Variants in SP110 observed in about 807,000 individuals in gnomAD.
SP110 encodes the protein SP110 nuclear body protein.
SP110 carries 62 observed loss-of-function variants against 92.7 expected under a neutral mutation model. That is an observed-to-expected ratio of 0.67 (90% confidence interval 0.55 to 0.83). The LOEUF (loss-of-function observed/expected upper bound fraction) is 0.83, where lower values mean the gene tolerates loss of function less well. SP110 is among the 40% of genes least tolerant of loss of function. The pLI is 0.00. For synonymous variants in SP110, 273 were observed against 305.3 expected, an observed-to-expected ratio of 0.89 and a Z score of 1.10; for missense variants, 793 against 863.9, an observed-to-expected ratio of 0.92 and a Z score of 1.03.
In SP110 at chr2:230,211,429, G is replaced by C; in HGVS notation, c.751+41C>G. ...ATGGCTTTTCCTCTTAGTAAACACA[G>C]AAACAAAGGCAAGCTTTTAGGTTGA... On this transcript the variant is annotated intron_variant, in intron 6 of 18. Coordinates refer to ENST00000258381, the MANE Select transcript of SP110 (RefSeq NM_080424.4). This position sits in a 1 kb window ranked among gnomAD's most constrained non-coding sequence, Gnocchi z 4.2. 7.8e-7 allele frequency: 1 copy of C among 1,282,646 alleles called. No individual in the cohort carries two copies. The highest frequency in any genetic ancestry group is 1.2e-5 in the South Asian group (1 of 84,610). The allele number at this position is 1,282,646 out of a possible 1,614,324, so 79.5% of individuals were successfully genotyped here.
chr2:230,198,106 A>G (rs2042962428), intron 10 of SP110, among the ~76,000 whole-genome samples: 1 of 136,426 alleles, frequency 7.3e-6, no homozygotes, highest in South Asian at 2.6e-4. Context: ...GTAGGACAAT[A>G]GGACCCTCTG....
In SP110 at chr2:230,165,767, A is replaced by G. The variant is rs777418491; in HGVS notation, c.*3357T>C. On this transcript the variant is annotated 3_prime_UTR_variant, in exon 19 of 19. Transcript: ENST00000258381. ...GCATTGGGAAAACTTATGGGTAAATATTGGAACTAAAAGCCGTTACGATGC... is the reference window on the plus strand; with the variant it reads ...GCATTGGGAAAACTTATGGGTAAATGTTGGAACTAAAAGCCGTTACGATGC... Among the ~76,000 whole-genome samples the G allele has an allele frequency of 1.8e-4, 27 of 152,210 alleles. No individual in the cohort carries two copies. The highest frequency in any genetic ancestry group is 3.5e-4 in the Non-Finnish European group (24 of 68,038).
At position 230,197,928 on chromosome 2, in the gene SP110, A is replaced by G. The variant is rs534611403; in HGVS notation, c.1129+2957T>C. On this transcript the variant is annotated intron_variant, in intron 10 of 18. Coordinates refer to ENST00000258381, the MANE Select transcript of SP110 (RefSeq NM_080424.4). The stretch of plus-strand genomic sequence containing the variant: ...TGGCCTCCCAAAGTGCTGGGATTAC[A>G]GGTGTGAGCTACCATGCCTAGCCTG... 3.3e-5 allele frequency among the ~76,000 whole-genome samples: 5 copies of G among 152,364 alleles called. No individual in the cohort carries two copies. The South Asian group carries it at 1.0e-3, about 32-fold the overall frequency.
intron 2 of SP110, 64 bp downstream of exon 2, chr2:230,216,717 G>C: frequency 6.3e-7 from 1 of 1,596,454 alleles, no homozygotes; most frequent in Non-Finnish European, 8.6e-7. Context: ...TGTGGTTTGA[G>C]ACTTTAATAA....
intron 1 of SP110, among the ~76,000 whole-genome samples, chr2:230,219,043 G>T (rs760165396): frequency 5.3e-5 from 8 of 152,148 alleles, no homozygotes; most frequent in Non-Finnish European, 1.2e-4. Context: ...TGGCCAACAT[G>T]GTGAAACCCT....
intron 10 of SP110, among the ~76,000 whole-genome samples, chr2:230,195,959 G>A (rs1366328714): frequency 6.6e-6 from 1 of 152,072 alleles, no homozygotes; most frequent in East Asian, 1.9e-4. Context: ...AATGCTCAAG[G>A]AGGAAATGAA....
rs113149033 is a variant in SP110, at chr2:230,166,051, G to A, written c.*3073C>T. On this transcript the variant is annotated 3_prime_UTR_variant, in exon 19 of 19. Transcript: ENST00000258381. ...TGGGACTACAGGCGCCCGCCACCAC[G>A]CCTGGCTAATTTTTGTATTTTTAGT... Among the ~76,000 whole-genome samples the A allele has an allele frequency of 5.3e-5, 8 of 151,944 alleles. No individual in the cohort carries two copies. The highest frequency in any genetic ancestry group is 3.9e-4 in the East Asian group (2 of 5,162).
Position 230,183,572 on chromosome 2 carries a change from C to T in SP110, c.1348G>A (p.Gly450Arg). Residue 450 changes from glycine (G) to arginine (R), a missense_variant and splice_region_variant, in exon 12 of 19, where the codon GGA becomes AGA. Coordinates refer to ENST00000258381, the MANE Select transcript of SP110 (RefSeq NM_080424.4). The part of the protein sequence containing the change: ...RRFQKNIHRR[G>R]KPKSDTVDFH... ...GAGGCGCTGTGGCTTGCTTGCTTAC[C>T]TCTTCGGTGAATATTTTTCTGAAAT... 1 of 1,608,584 alleles carries T rather than the reference C, an allele frequency of 6.2e-7. No homozygotes were observed. Among genetic ancestry groups the T allele is most frequent in the Non-Finnish European group, 8.5e-7 (1 of 1,175,032 alleles).
intron 2 of SP110, 128 bp from the exon 3 acceptor site, chr2:230,215,246 T>G: frequency 1.3e-6 from 1 of 762,664 alleles, no homozygotes; most frequent in Non-Finnish European, 2.2e-6. Flanking sequence ...ATAAAATATA[T>G]AGTCACATTC....
chr2:230,171,815 G>A (rs1256482577), intron 16 of SP110, 48 bp from the exon 17 acceptor site: 1 of 1,416,276 alleles, frequency 7.1e-7, no homozygotes, highest in Non-Finnish European at 1.0e-6. Context: ...CTTAGAAACA[G>A]TGAAGCCAGG....
Position 230,196,079 on chromosome 2 carries a change from T to C in SP110, c.1129+4806A>G, listed in dbSNP as rs529361608. 4.3e-4 allele frequency among the ~76,000 whole-genome samples: 66 copies of C among 152,290 alleles called. No individual in the cohort carries two copies. In the South Asian group the frequency reaches 0.013, roughly 29 times the overall value. On this transcript the variant is annotated intron_variant, in intron 10 of 18. Coordinates refer to ENST00000258381, the MANE Select transcript of SP110 (RefSeq NM_080424.4). ...TTAAAAAGTTTTATTACATCCAGCA[T>C]TGAGGATGTAGGAAATGAATACTCA...
intron 3 of SP110, 106 bp downstream of exon 3, chr2:230,214,844 G>T: frequency 1.1e-6 from 1 of 932,898 alleles, no homozygotes; most frequent in Non-Finnish European, 1.7e-6. Context: ...CCACCCCAGA[G>T]AGAAGGCGGG....
rs889528746 is a variant in SP110 at position 230,209,860 on chromosome 2, TAC to T, written c.829+69_829+70del. On this transcript the variant is annotated intron_variant, in intron 7 of 18. Coordinates refer to ENST00000258381, the MANE Select transcript of SP110 (RefSeq NM_080424.4). ...TCACATAGTGGTGCTCTTGACAAGA[TAC>T]AGTCAGAAAAACAGAAAGCAACTCT... is the stretch of plus-strand genomic sequence containing the variant. 46 of 893,584 alleles carry T rather than the reference TAC, an allele frequency of 5.1e-5. 1 individual carries two copies. In the African/African-American group the frequency reaches 6.9e-4, roughly 13 times the overall value. 55.4% of individuals were successfully genotyped at this position (893,584 alleles called of 1,614,324 possible). A position where few individuals can be genotyped will look rare whatever the true frequency, so the allele number is the denominator to read the frequency against.
chr2:230,176,623 A>G (rs780372451), intron 14 of SP110: 3 of 1,613,934 alleles, frequency 1.9e-6, no homozygotes, highest in Admixed American at 1.7e-5. Context: ...GCCTCCAGAC[A>G]GGGAAAGTCT....
chr2:230,173,169 CAG>C (rs1166454427), intron 14 of SP110: 1 of 535,366 alleles, frequency 1.9e-6, no homozygotes, highest in Non-Finnish European at 3.5e-6. Flanking sequence ...CCGCCGCCAC[CAG>C]GACTTTTCTT....
chr2:230,214,099 C>A (rs941043170), intron 3 of SP110: 1 of 152,100 alleles, frequency 6.6e-6, no homozygotes, highest in African/African-American at 2.4e-5. Flanking sequence ...GATTTGGCCA[C>A]AGTGTTTTAC....
At chr2:230,172,600 C>T (rs932172041) in intron 15 of SP110, 20 of 557,906 alleles carry the variant, frequency 3.6e-5, no homozygotes, top group Non-Finnish European at 6.1e-5. Context: ...TTTCCCGTCC[C>T]CTCCTCCTTT....
At chr2:230,204,302 T>C (rs983207151) in intron 8 of SP110, among the ~76,000 whole-genome samples, 3 of 152,228 alleles carry the variant, frequency 2.0e-5, no homozygotes, top group Admixed American at 6.5e-5. Context: ...AATTGTATAG[T>C]TGCATAGACA....
chr2:230,203,563 T>C (rs2043413878), intron 8 of SP110: 1 of 152,222 alleles, frequency 6.6e-6, no homozygotes, highest in African/African-American at 2.4e-5. Flanking sequence ...ACTGAATATT[T>C]ATCCAGAAGA....
Sources: gnomAD v4.1 joint callset for allele counts (sites outside exome capture counted in the v4.1 genomes callset) on GRCh38, gnomAD v4.1.1 for gene constraint, Gnocchi (gnomAD v3.1) non-coding constraint, MANE v1.5 for transcripts, NCBI Gene and HGNC (gene_info 2026-07-23, HGNC 2026-07-21) for gene names.